ITGB3: variants seen among roughly 807,000 people sequenced by gnomAD.
ITGB3 encodes integrin beta-3.
A neutral mutation model predicts 85.8 loss-of-function variants in ITGB3; 48 were observed. The observed-to-expected ratio is 0.56, with a 90% confidence interval of 0.44 to 0.71. ITGB3 has a LOEUF of 0.71. Ranked by LOEUF, ITGB3 falls within the 30% of genes least tolerant of loss-of-function variation. The pLI, the probability that ITGB3 is intolerant of heterozygous loss-of-function variation, is 0.00. For synonymous variants in ITGB3, 363 were observed against 395.6 expected (o/e 0.92, Z 0.98); for missense variants, 861 against 1,019.1 (o/e 0.84, Z 2.11).
chr17:47,273,955 CT>C (rs2143067320), intron 1 of ITGB3, among the ~76,000 whole-genome samples: 1 of 152,336 alleles, frequency 6.6e-6, no homozygotes, highest in South Asian at 2.1e-4. Flanking sequence ...CACGCCCCCA[CT>C]GTATTTAGGC....
chr17:47,263,266 G>C (rs2143038398), intron 1 of ITGB3, among the ~76,000 whole-genome samples: 1 of 152,262 alleles, frequency 6.6e-6, no homozygotes, highest in South Asian at 2.1e-4. Flanking sequence ...CTCTGTCCCT[G>C]GAATGGGCTT....
chr17:47,292,658 G>T, intron 10 of ITGB3, 90 bp downstream of exon 10: 1 of 1,332,070 alleles, frequency 7.5e-7, no homozygotes. Context: ...GCCTGAGATG[G>T]GTCTTTGCAG....
At chr17:47,271,872 G>A (rs997749930) in intron 1 of ITGB3, among the ~76,000 whole-genome samples, 2 of 151,876 alleles carry the variant, frequency 1.3e-5, no homozygotes, top group Non-Finnish European at 2.9e-5. Context: ...CTCCTGAGTA[G>A]CCTCCCAAGT....
At chr17:47,296,744 A>G (rs916343584) in intron 10 of ITGB3, among the ~76,000 whole-genome samples, 1 of 152,222 alleles carries the variant, frequency 6.6e-6, no homozygotes, top group Non-Finnish European at 1.5e-5. Context: ...TGTACAGGAC[A>G]GTCCTCCCCA....
chr17:47,302,919 C>G (rs910702519), intron 13 of ITGB3, 79 bp downstream of exon 13: 1 of 1,554,124 alleles, frequency 6.4e-7, no homozygotes, highest in African/African-American at 1.4e-5. Context: ...CTCTACTCAT[C>G]GAAGCTGTTA....
At chr17:47,300,188 C>G (rs1237275996) in intron 11 of ITGB3, among the ~76,000 whole-genome samples, 3 of 152,226 alleles carry the variant, frequency 2.0e-5, no homozygotes, top group Admixed American at 2.0e-4. Flanking sequence ...ATAGGGTTCA[C>G]CATCCTGGCA....
chr17:47,306,673 C>T (rs115635017), intron 13 of ITGB3, among the ~76,000 whole-genome samples: 3,259 of 151,866 alleles, frequency 0.021, 100 homozygotes, highest in African/African-American at 0.06. Flanking sequence ...ATTTCTTATT[C>T]ATTTATTTAT....
At chr17:47,307,433 C>T (rs2065192657) in intron 13 of ITGB3, 38 bp from the exon 14 acceptor site, 1 of 1,611,982 alleles carries the variant, frequency 6.2e-7, no homozygotes, top group Non-Finnish European at 8.5e-7. Context: ...ACTCCTGCTT[C>T]ATTCACAACC....
At position 47,260,285 on chromosome 17, in the gene ITGB3, T is replaced by A. The variant is rs116284986; in HGVS notation, c.79+6345T>A. Reference sequence around the variant, plus strand: ...ATCAGTCTCTTGGTGTCCCAGGGGCTGCAAAGTGGGACAGAGAAGATGAAG... The same window carrying A: ...ATCAGTCTCTTGGTGTCCCAGGGGCAGCAAAGTGGGACAGAGAAGATGAAG... On this transcript the variant is annotated intron_variant, in intron 1 of 14. Coordinates refer to ENST00000559488, the MANE Select transcript of ITGB3 (RefSeq NM_000212.3). 7.1e-3 allele frequency among the ~76,000 whole-genome samples: 1,077 copies of A among 152,324 alleles called. 14 individuals are homozygous for A. The highest frequency in any genetic ancestry group is 0.024 in the African/African-American group (984 of 41,578).
At chr17:47,279,308 T>TC (rs1281365625) in intron 2 of ITGB3, among the ~76,000 whole-genome samples, 1 of 152,060 alleles carries the variant, frequency 6.6e-6, no homozygotes, top group Non-Finnish European at 1.5e-5. Context: ...TATCCACCCC[T>TC]CCCCCTTCTA....
At position 47,274,482 on chromosome 17, in the gene ITGB3, T is replaced by C; in HGVS notation, c.143T>C (p.Met48Thr). ...SCQQCLAVSPMCAWCSDEALP... is the reference protein window; with the variant it reads ...SCQQCLAVSPTCAWCSDEALP... ...CAGCAGTGCCTGGCTGTGAGCCCCA[T>C]GTGTGCCTGGTGCTCTGATGAGGTA... Residue 48 changes from methionine to threonine, a missense_variant, in exon 2 of 15, where the codon ATG (methionine) becomes ACG (threonine). Met to Thr is a moderately conservative substitution (Grantham distance 81, BLOSUM62 -1). Transcript: ENST00000559488. 1.2e-6 allele frequency: 2 copies of C among 1,613,912 alleles called. No individual in the cohort carries two copies. Among genetic ancestry groups the C allele is most frequent in the South Asian group, 1.1e-5 (1 of 91,088 alleles).
At chr17:47,291,989 G>A (rs955444044) in intron 9 of ITGB3, 150 bp from the exon 10 acceptor site, 7 of 766,944 alleles carry the variant, frequency 9.1e-6, no homozygotes, top group Non-Finnish European at 1.6e-5. Flanking sequence ...CCTTCATATA[G>A]GGAAGGCTGA....
chr17:47,262,292 G>A (rs1281887795), intron 1 of ITGB3, among the ~76,000 whole-genome samples: 2 of 152,194 alleles, frequency 1.3e-5, no homozygotes, highest in Non-Finnish European at 2.9e-5. Flanking sequence ...AGGATGCCAA[G>A]GAGGTCACCA....
At chr17:47,300,420 G>T in intron 11 of ITGB3, 58 bp from the exon 12 acceptor site, 1 of 1,216,844 alleles carries the variant, frequency 8.2e-7, no homozygotes, top group Non-Finnish European at 1.2e-6. Context: ...GAGCTGGACT[G>T]GGATACGCTT....
chr17:47,292,442 A>G lies in ITGB3; in HGVS notation c.1564A>G (p.Ser522Gly), dbSNP rs1295381929. 6.2e-7 allele frequency: 1 copy of G among 1,609,658 alleles called. No individual in the cohort carries two copies. Among genetic ancestry groups the G allele is most frequent in the South Asian group, 1.1e-5 (1 of 90,928 alleles). ...CCCCCGGGAGGGTCAGCCCGTCTGCAGCCAGCGGGGCGAGTGCCTCTGTGG... is the reference window on the plus strand; with the variant it reads ...CCCCCGGGAGGGTCAGCCCGTCTGCGGCCAGCGGGGCGAGTGCCTCTGTGG... ...CSPREGQPVC[S>G]QRGECLCGQC... The change falls in exon 10 of 15, where the codon AGC becomes GGC. Residue 522 changes from serine (S) to glycine (G), a missense_variant. Ser to Gly is a moderately conservative substitution (Grantham distance 56, BLOSUM62 0). Coordinates refer to ENST00000559488, the MANE Select transcript of ITGB3 (RefSeq NM_000212.3).
At chr17:47,300,378 G>A (rs2065162632) in intron 11 of ITGB3, 100 bp from the exon 12 acceptor site, 2 of 792,308 alleles carry the variant, frequency 2.5e-6, no homozygotes, top group African/African-American at 3.6e-5. Context: ...TTTTAATGGA[G>A]GTGGAGCAGC....
intron 1 of ITGB3, among the ~76,000 whole-genome samples, chr17:47,260,074 T>TTG (rs113106495): frequency 0.3 from 45,950 of 151,678 alleles, 7,254 homozygotes; most frequent in East Asian, 0.49. Flanking sequence ...TTATGTTTAT[T>TTG]TGTGTGTGTG....
chr17:47,293,956 A>T (rs2065136974), intron 10 of ITGB3, among the ~76,000 whole-genome samples: 1 of 152,230 alleles, frequency 6.6e-6, no homozygotes, highest in Non-Finnish European at 1.5e-5. Context: ...ACTCACTTCG[A>T]TACTGATATT....
intron 2 of ITGB3, among the ~76,000 whole-genome samples, chr17:47,275,845 G>A (rs1486049621): frequency 1.3e-5 from 2 of 152,188 alleles, no homozygotes; most frequent in African/African-American, 2.4e-5. Context: ...TGGGGCTAGG[G>A]AAGGGGTGTA....
Sources: gnomAD v4.1 joint callset for allele counts (sites outside exome capture counted in the v4.1 genomes callset) on GRCh38, gnomAD v4.1.1 for gene constraint, MANE v1.5 for transcripts, NCBI Gene and HGNC (gene_info 2026-07-23, HGNC 2026-07-21) for gene names.